Variants in CDC14B observed in about 807,000 individuals in gnomAD.
The protein encoded by CDC14B is dual specificity protein phosphatase CDC14B.
A neutral mutation model predicts 64.2 loss-of-function variants in CDC14B; 22 were observed. The observed-to-expected ratio is 0.34, with a 90% CI of 0.24 to 0.49. The LOEUF (loss-of-function observed/expected upper bound fraction) is 0.49, where lower values mean the gene tolerates loss of function less well. CDC14B is among the 20% of genes least tolerant of loss of function. The probability of loss-of-function intolerance (pLI) is 0.99; values close to 1 mark genes in which losing one functional copy is unlikely to be tolerated. For synonymous variants in CDC14B, 191 were observed against 215.8 expected, an observed-to-expected ratio of 0.89 and a Z score of 1.01; for missense variants, 498 against 629.9, an observed-to-expected ratio of 0.79 and a Z score of 2.24.
intron 5 of CDC14B, 60 bp downstream of exon 5, chr9:96,551,736 T>A: frequency 6.3e-7 from 1 of 1,580,682 alleles, no homozygotes; most frequent in Non-Finnish European, 8.6e-7. Flanking sequence ...GAAACAACTA[T>A]CAAGATATTT....
At chr9:96,613,875 C>T (rs984320923) in intron 1 of CDC14B, among the ~76,000 whole-genome samples, 7 of 152,148 alleles carry the variant, frequency 4.6e-5, no homozygotes, top group African/African-American at 1.7e-4. Flanking sequence ...GACTATTTTA[C>T]ATAGTAAGCA....
Position 96,514,865 on chromosome 9 carries a change from G to C in CDC14B, c.1344-5076C>G, listed in dbSNP as rs972791094. 1.1e-5 allele frequency: 11 copies of C among 985,226 alleles called. No individual in the cohort carries two copies. In the African/African-American group the frequency reaches 1.9e-4, roughly 17 times the overall value. The allele number at this position is 985,226 out of a possible 1,614,324, so 61.0% of individuals were successfully genotyped here. On this transcript the variant is annotated intron_variant, in intron 12 of 13. Transcript: ENST00000375241. ...TCTGCAGAAATAAAGCCTCTTCGCT[G>C]TTAAGGTCTTCATTTCAAAGATGAA...
chr9:96,541,877 T>C lies in CDC14B; in HGVS notation c.513A>G (p.Gly171=). Residue 171 remains glycine (G), a synonymous_variant, in exon 6 of 14, where the codon GGA becomes GGG. Transcript: ENST00000375241. ...SYIPFRDAAY[G]SCNFYITLLD... is the part of the protein sequence containing the mutation. ...GAAGTGTAATGTAGAAATTGCAACT[T>C]CCATAGGCAGCATCTCTGAAACCCA... 6.2e-7 allele frequency: 1 copy of C among 1,608,522 alleles called. No homozygotes were observed. The highest frequency in any genetic ancestry group is 2.2e-5 in the East Asian group (1 of 44,722).
chr9:96,518,088 G>C (rs1009344368), intron 12 of CDC14B, among the ~76,000 whole-genome samples: 1 of 152,122 alleles, frequency 6.6e-6, no homozygotes, highest in Non-Finnish European at 1.5e-5. Context: ...TGGTCACCTG[G>C]ATACATCTGT....
chr9:96,569,326 A>G (rs947937414), intron 1 of CDC14B, among the ~76,000 whole-genome samples: 1 of 152,202 alleles, frequency 6.6e-6, no homozygotes, highest in African/African-American at 2.4e-5. Context: ...GTTAGTAACA[A>G]GTTTTGGGTT....
chr9:96,518,150 A>C (rs1251007927), intron 12 of CDC14B, among the ~76,000 whole-genome samples: 1 of 152,190 alleles, frequency 6.6e-6, no homozygotes, highest in Non-Finnish European at 1.5e-5. Flanking sequence ...GAGTACTGCT[A>C]ATCAATTTGG....
At chr9:96,569,276 C>T (rs1844334881) in intron 1 of CDC14B, among the ~76,000 whole-genome samples, 3 of 152,182 alleles carry the variant, frequency 2.0e-5, no homozygotes, top group Admixed American at 1.3e-4. Context: ...ATGAGGCAAC[C>T]TGGAAAATAT....
At chr9:96,521,184 C>A (rs1836658097) in intron 12 of CDC14B, among the ~76,000 whole-genome samples, 2 of 152,144 alleles carry the variant, frequency 1.3e-5, no homozygotes, top group Admixed American at 1.3e-4. Flanking sequence ...ATCCTCCTGC[C>A]TCACCCTCCC....
At chr9:96,534,252 G>A (rs1247185538) in intron 8 of CDC14B, 95 bp from the exon 9 acceptor site, 3 of 823,254 alleles carry the variant, frequency 3.6e-6, no homozygotes, top group Non-Finnish European at 5.7e-6. Flanking sequence ...TATCTGGACT[G>A]GGAATTAAAT....
intron 1 of CDC14B, among the ~76,000 whole-genome samples, chr9:96,610,973 C>T (rs113191091): frequency 0.015 from 2,299 of 151,624 alleles, 60 homozygotes; most frequent in African/African-American, 0.052. Context: ...CAGGAAAGGA[C>T]GGAACCAAGA....
At chr9:96,534,870 A>G (rs16911122) in intron 7 of CDC14B, among the ~76,000 whole-genome samples, 67 of 152,322 alleles carry the variant, frequency 4.4e-4, no homozygotes, top group Non-Finnish European at 7.2e-4. Flanking sequence ...GCTAATTAAT[A>G]AGAAAGCAAG....
chr9:96,495,702 G>A (rs973070240), downstream of CDC14B, among the ~76,000 whole-genome samples: 2 of 152,180 alleles, frequency 1.3e-5, no homozygotes, highest in African/African-American at 4.8e-5. Context: ...AAATGGGAAC[G>A]CCGTGTGGCC....
rs57056796 is a variant in CDC14B at position 96,574,697 on chromosome 9, C to CAAAAAAAAAAAAAAAAA, written c.161-9231_161-9215dup. On this transcript the variant is annotated intron_variant, in intron 1 of 13. Coordinates refer to ENST00000375241, the MANE Select transcript of CDC14B (RefSeq NM_033331.4). ...GCAACAAGAGCGAAACTCGGTCTCACAAAAAAAAAAAAAAAAAAAAAAGAT... is the reference window on the plus strand; with the variant it reads ...GCAACAAGAGCGAAACTCGGTCTCACAAAAAAAAAAAAAAAAAAAAAAAAAAAAAAAAAAAAAAAGAT... Among the ~76,000 whole-genome samples the CAAAAAAAAAAAAAAAAA allele has an allele frequency of 6.6e-4, 33 of 49,954 alleles. 6 individuals are homozygous for CAAAAAAAAAAAAAAAAA. The highest frequency in any genetic ancestry group is 2.6e-3 in the African/African-American group (31 of 11,922). The allele number at this position is 49,954 out of a possible 152,430, so 32.8% of individuals were successfully genotyped here.
chr9:96,576,174 G>A (rs1025303577), intron 1 of CDC14B, among the ~76,000 whole-genome samples: 1 of 152,042 alleles, frequency 6.6e-6, no homozygotes, highest in African/African-American at 2.4e-5. Context: ...AGCTACTTGG[G>A]GAGGGTGAGG....
At chr9:96,548,096 A>C (rs931518913) in intron 5 of CDC14B, among the ~76,000 whole-genome samples, 2 of 152,156 alleles carry the variant, frequency 1.3e-5, no homozygotes, top group Non-Finnish European at 2.9e-5. Flanking sequence ...AAGTGCTAGG[A>C]TTACAGGCGT....
At chr9:96,520,559 A>G (rs1836536950) in intron 12 of CDC14B, among the ~76,000 whole-genome samples, 1 of 152,192 alleles carries the variant, frequency 6.6e-6, no homozygotes, top group Non-Finnish European at 1.5e-5. Flanking sequence ...GGGTGACTAA[A>G]GGAAATTTCC....
chr9:96,505,054 G>A (rs973091638), intron 13 of CDC14B, among the ~76,000 whole-genome samples: 35 of 152,126 alleles, frequency 2.3e-4, no homozygotes, highest in South Asian at 2.1e-4. Context: ...GGTGATGCAC[G>A]CCTGTATTCC....
chr9:96,515,877 T>A lies in CDC14B; in HGVS notation c.1344-6088A>T. On this transcript the variant is annotated intron_variant, in intron 12 of 13. Coordinates refer to ENST00000375241, the MANE Select transcript of CDC14B (RefSeq NM_033331.4). This position sits in a 1 kb window ranked among gnomAD's most constrained non-coding sequence, Gnocchi z 4.3. ...GCAATCATCAATCAATCAAGCCATA[T>A]GTGAATTTTAGACACCCTAAAAGCC... The A allele has an allele frequency of 7.4e-7, 1 of 1,344,732 alleles. No individual in the cohort carries two copies. The highest frequency in any genetic ancestry group is 1.0e-6 in the Non-Finnish European group (1 of 997,232). 83.3% of individuals were successfully genotyped at this position (1,344,732 alleles called of 1,614,324 possible).
At chr9:96,510,245 A>G (rs1372549503) in intron 12 of CDC14B, among the ~76,000 whole-genome samples, 2 of 152,234 alleles carry the variant, frequency 1.3e-5, no homozygotes, top group Non-Finnish European at 2.9e-5. Flanking sequence ...ATAATCCACT[A>G]AATCAATACT....
Sources: allele counts gnomAD v4.1 joint callset (sites outside exome capture counted in the v4.1 genomes callset), GRCh38; gene constraint gnomAD v4.1.1; non-coding constraint Gnocchi (gnomAD v3.1); transcripts MANE v1.5; gene names NCBI Gene and HGNC (gene_info 2026-07-23, HGNC 2026-07-21).